ZNF44: variants seen among roughly 807,000 people sequenced by gnomAD.
The protein encoded by ZNF44 is gonadotropin inducible transcription repressor-2.
In ZNF44, 9 loss-of-function variants were observed where a neutral mutation model predicts 11.7. That is an observed-to-expected ratio of 0.77 (90% confidence interval 0.46 to 1.35). ZNF44 has a LOEUF of 1.35. Ranked by LOEUF, ZNF44 falls within the 40% of genes most tolerant of loss-of-function variation. ZNF44 has a pLI of 0.00. For synonymous variants in ZNF44, 224 were observed against 242.7 expected, an observed-to-expected ratio of 0.92 and a Z score of 0.72; for missense variants, 696 against 743.1, an observed-to-expected ratio of 0.94 and a Z score of 0.74.
chr19:12,260,006 A>C (rs1049632395), intron 5 of ZNF44: 1 of 394,990 alleles, frequency 2.5e-6, no homozygotes, highest in Non-Finnish European at 5.0e-6. Context: ...CCAACCTCTG[A>C]CAGTGTATAC....
chr19:12,270,831 A>G (rs1221525891), downstream of ZNF44, among the ~76,000 whole-genome samples: 1 of 152,172 alleles, frequency 6.6e-6, no homozygotes, highest in Admixed American at 6.5e-5. Flanking sequence ...GAAGAGCTTC[A>G]CAATTGCAGA....
In ZNF44 at chr19:12,250,279, G is replaced by A. The variant is rs537481672; in HGVS notation, c.*88C>T. The A allele has an allele frequency of 1.7e-4, 234 of 1,365,984 alleles. 1 individual carries two copies. The African/African-American group carries it at 3.1e-3, about 18-fold the overall frequency. 84.6% of individuals were successfully genotyped at this position (1,365,984 alleles called of 1,614,324 possible). On this transcript the variant is annotated 3_prime_UTR_variant and NMD_transcript_variant, in exon 6 of 8. Transcript: ENST00000393337. ...GGTTCCTGAAGGTTTCCCACATCAC[G>A]TCTCTGTAGAGTTTTTTCTGTGAAG...
At chr19:12,282,419 T>G (rs1343126611) in intron 1 of ZNF44, among the ~76,000 whole-genome samples, 1 of 132,760 alleles carries the variant, frequency 7.5e-6, no homozygotes, top group Non-Finnish European at 1.6e-5. Context: ...TGGAGAAGTC[T>G]TCTTTTTTTT....
downstream of ZNF44, chr19:12,247,361 T>C: frequency 7.7e-7 from 1 of 1,298,244 alleles, no homozygotes; most frequent in South Asian, 1.2e-5. Context: ...ATTTATAAGG[T>C]TTCTCTCCAG....
At chr19:12,238,287 T>C (rs1916469892), upstream of ZNF44, among the ~76,000 whole-genome samples, 1 of 151,830 alleles carries the variant, frequency 6.6e-6, no homozygotes, top group African/African-American at 2.4e-5. Flanking sequence ...GTCAGGAGTT[T>C]GAGACCGCTC....
chr19:12,228,739 T>G (rs1365427566), intron 3 of ZNF44, among the ~76,000 whole-genome samples: 1 of 152,152 alleles, frequency 6.6e-6, no homozygotes, highest in Non-Finnish European at 1.5e-5. Context: ...CAAAACAAAC[T>G]TCCTTCATGC....
chr19:12,254,800 T>C (rs1917173872), intron 5 of ZNF44, among the ~76,000 whole-genome samples: 2 of 151,760 alleles, frequency 1.3e-5, no homozygotes, highest in East Asian at 3.9e-4. Flanking sequence ...TTAAACTTTG[T>C]AGGGGCTAGG....
Position 12,273,008 on chromosome 19 carries a change from G to C in ZNF44, c.1247C>G (p.Thr416Ser), listed in dbSNP as rs1384401188. 3 of 1,613,958 alleles carry C rather than the reference G, an allele frequency of 1.9e-6. No homozygotes were observed. Among genetic ancestry groups the C allele is most frequent in the Non-Finnish European group, 2.5e-6 (3 of 1,180,004 alleles). ...CTTGCATTCATAGGGTTTCTCTCCA[G>C]TGTGAGTCCTTTCATGTCTTTGAAA... ...SVFQRHERTH[T>S]GEKPYECKQC... is the part of the protein sequence containing the mutation. The change falls in exon 4 of 4, where the codon ACT becomes AGT. Residue 416 changes from threonine to serine, a missense_variant. Physicochemically the swap from Thr to Ser is moderately conservative, Grantham distance 58. Transcript: ENST00000355684.
chr19:12,226,709 A>G lies in ZNF44; in HGVS notation n.437-182T>C, dbSNP rs147362529. On this transcript the variant is annotated intron_variant and non_coding_transcript_variant, in intron 3 of 3. Transcript: ENST00000597563. Reference sequence around the variant, plus strand: ...TTAAAAGCTGTCAATAATTCAAAAGAAAAGATTCTTGGACTTTGAAAAGCA... The same window carrying G: ...TTAAAAGCTGTCAATAATTCAAAAGGAAAGATTCTTGGACTTTGAAAAGCA... 2.2e-3 allele frequency among the ~76,000 whole-genome samples: 338 copies of G among 152,352 alleles called. 1 individual carries two copies. The highest frequency in any genetic ancestry group is 7.6e-3 in the African/African-American group (315 of 41,584).
chr19:12,285,059 C>T (rs1967671983), intron 1 of ZNF44: 1 of 681,646 alleles, frequency 1.5e-6, no homozygotes, highest in Non-Finnish European at 2.6e-6. Context: ...GCTACCTAAC[C>T]CCTGACCTCT....
In ZNF44 at chr19:12,273,629, G is replaced by A. The variant is rs1460390335; in HGVS notation, c.626C>T (p.Pro209Leu). 6.2e-7 allele frequency: 1 copy of A among 1,613,824 alleles called. No homozygotes were observed. The highest frequency in any genetic ancestry group is 1.7e-5 in the Admixed American group (1 of 60,002). ...TCTTTCATGCATACGTAATAAACTG[G>A]GCCAAAAAAAGGCTTTCCCACACAA... The part of the protein sequence containing the change: ...CELCGKAFFW[P>L]SLLRMHERTH... Residue 209 changes from proline (P) to leucine (L), a missense_variant, in exon 4 of 4, where the codon CCC becomes CTC. Coordinates refer to ENST00000355684, the MANE Select transcript of ZNF44 (RefSeq NM_016264.4).
At position 12,274,768 on chromosome 19, in the gene ZNF44, A is replaced by T. The variant is rs565973543; in HGVS notation, c.191+205T>A. Reference sequence around the variant, plus strand: ...GAAATCTTAATATTGTTTCCATGGGAACTACTTTGCAAACACTGAATAGCT... The same window carrying T: ...GAAATCTTAATATTGTTTCCATGGGTACTACTTTGCAAACACTGAATAGCT... On this transcript the variant is annotated intron_variant, in intron 3 of 3. Coordinates refer to ENST00000355684, the MANE Select transcript of ZNF44 (RefSeq NM_016264.4). Among the ~76,000 whole-genome samples the T allele has an allele frequency of 3.9e-5, 6 of 152,252 alleles. No homozygotes were observed. The South Asian group carries it at 1.2e-3, about 32-fold the overall frequency.
chr19:12,292,868 T>TG (rs1968072858), intron 1 of ZNF44, among the ~76,000 whole-genome samples: 27 of 106,050 alleles, frequency 2.5e-4, no homozygotes, highest in African/African-American at 6.1e-4. Context: ...TTTTTTTTTT[T>TG]TTTTTTTTTT....
At chr19:12,266,424 A>C in intron 5 of ZNF44, 1 of 836,728 alleles carries the variant, frequency 1.2e-6, no homozygotes, top group Non-Finnish European at 1.4e-6. Context: ...AGAGGGAAAA[A>C]AAACCCAAAC....
downstream of ZNF44, chr19:12,225,292 A>AATTAGGCAGGGTAAGAACATT (rs1915868102): frequency 6.6e-6 from 1 of 152,338 alleles, no homozygotes; most frequent in Admixed American, 6.5e-5. Context: ...GAAAAAGGTT[A>AATTAGGCAGGGTAAGAACATT]ATTAGGCAGG....
chr19:12,268,182 A>ACAC (rs1555739617), downstream of ZNF44, among the ~76,000 whole-genome samples: 384 of 99,572 alleles, frequency 3.9e-3, 3 homozygotes, highest in East Asian at 0.011. Context: ...ACACACACAC[A>ACAC]AGCTCCTTCC....
At chr19:12,257,776 C>T (rs1366825250) in intron 5 of ZNF44, among the ~76,000 whole-genome samples, 1 of 138,444 alleles carries the variant, frequency 7.2e-6, no homozygotes, top group African/African-American at 2.8e-5. Flanking sequence ...ACTCCAGCCC[C>T]GGCAACAGCA....
intron 5 of ZNF44, among the ~76,000 whole-genome samples, chr19:12,252,596 G>C (rs891918418): frequency 3.3e-5 from 5 of 152,140 alleles, no homozygotes; most frequent in African/African-American, 1.2e-4. Flanking sequence ...ATGAGTAACA[G>C]CATTGTTATG....
At chr19:12,294,268 C>T (rs1336873915) in intron 1 of ZNF44, among the ~76,000 whole-genome samples, 1 of 152,204 alleles carries the variant, frequency 6.6e-6, no homozygotes, top group African/African-American at 2.4e-5. Flanking sequence ...CACCCCCGTC[C>T]AGACCCCTAA....
Sources: allele counts gnomAD v4.1 joint callset (sites outside exome capture counted in the v4.1 genomes callset), GRCh38; gene constraint gnomAD v4.1.1; transcripts MANE v1.5; gene names NCBI Gene and HGNC (gene_info 2026-07-23, HGNC 2026-07-21).